The following DSCAML1 variants were observed in gnomAD, a reference collection of about 807,000 sequenced individuals.
The protein encoded by DSCAML1 is cell adhesion molecule DSCAML1.
In DSCAML1, 38 loss-of-function variants were observed where a neutral mutation model predicts 200.5. That is an observed-to-expected ratio of 0.19 (90% CI 0.15 to 0.25). The LOEUF (loss-of-function observed/expected upper bound fraction) is 0.25. Ranked by LOEUF, DSCAML1 falls within the 10% of genes least tolerant of loss-of-function variation. The pLI is 1.00. For synonymous variants in DSCAML1, 1,215 were observed against 1,165.0 expected (o/e 1.04, Z -0.87); for missense variants, 2,223 against 2,858.8 (o/e 0.78, Z 5.07).
chr11:117,608,078 GT>G (rs1409235089), intron 3 of DSCAML1, among the ~76,000 whole-genome samples: 1 of 152,208 alleles, frequency 6.6e-6, no homozygotes, highest in Non-Finnish European at 1.5e-5. Flanking sequence ...CATGACATGT[GT>G]CTTGAGACCC....
intron 3 of DSCAML1, among the ~76,000 whole-genome samples, chr11:117,534,203 C>T (rs1378153539): frequency 3.3e-5 from 5 of 152,254 alleles, no homozygotes; most frequent in Non-Finnish European, 4.4e-5. Flanking sequence ...GTATCCCACC[C>T]ATCTCCCTCC....
chr11:117,504,071 C>T lies in DSCAML1; in HGVS notation c.2183-50G>A, dbSNP rs769202749. 2 of 1,595,304 alleles carry T rather than the reference C, an allele frequency of 1.3e-6. No homozygotes were observed. The highest frequency in any genetic ancestry group is 1.7e-6 in the Non-Finnish European group (2 of 1,169,180). On this transcript the variant is annotated intron_variant, in intron 10 of 32. Transcript: ENST00000651296. This position sits in a 1 kb window ranked among gnomAD's most constrained non-coding sequence, Gnocchi z 5.0. ...GGCTGAGTCTGCACTGGGGCATAAGCTGAGAGTGCCCCAGGAGTGGCCCTG... is the reference window on the plus strand; with the variant it reads ...GGCTGAGTCTGCACTGGGGCATAAGTTGAGAGTGCCCCAGGAGTGGCCCTG...
Position 117,428,581 on chromosome 11 carries a change from G to T in DSCAML1, c.5909C>A (p.Pro1970His). ...APAAASTATL[P>H]QRTLAMPAPP... ...GGCTGGCATGGCCAGAGTCCTCTGA[G>T]GTAAGGTGGCTGTGGAGGCGGCAGC... Residue 1970 changes from proline (P) to histidine (H), a missense_variant, in exon 33 of 33, where the codon CCT becomes CAT. By Grantham distance (77) the Pro-to-His change is moderately conservative. Around this residue, in one of 7 missense-constraint regions of DSCAML1, gnomAD observed 280 missense variants for 213.4 expected, o/e 1.31. Coordinates refer to ENST00000651296, the MANE Select transcript of DSCAML1 (RefSeq NM_020693.4). 1 of 1,590,496 alleles carries T rather than the reference G, an allele frequency of 6.3e-7. No individual in the cohort carries two copies. Among genetic ancestry groups the T allele is most frequent in the East Asian group, 2.3e-5 (1 of 43,868 alleles).
chr11:117,582,027 A>G (rs895783317), intron 3 of DSCAML1, among the ~76,000 whole-genome samples: 1 of 152,192 alleles, frequency 6.6e-6, no homozygotes, highest in Admixed American at 6.5e-5. Flanking sequence ...CAGAGATCCC[A>G]TGATCATCGG....
rs552022073 is a variant in DSCAML1, at chr11:117,716,821, G to A, written c.511+59970C>T. On this transcript the variant is annotated intron_variant, in intron 3 of 32. Transcript: ENST00000651296. ...GTGTTTTTGGAACACAGCCATGCCCGCTCACCCATGTATTGTCCACAGCTG... is the reference window on the plus strand; with the variant it reads ...GTGTTTTTGGAACACAGCCATGCCCACTCACCCATGTATTGTCCACAGCTG... Among the ~76,000 whole-genome samples, 5 of 152,210 alleles carry A rather than the reference G, an allele frequency of 3.3e-5. No homozygotes were observed. The East Asian group carries it at 5.8e-4, about 18-fold the overall frequency.
intron 3 of DSCAML1, among the ~76,000 whole-genome samples, chr11:117,558,773 G>A (rs1484753583): frequency 5.3e-5 from 8 of 152,170 alleles, no homozygotes; most frequent in Admixed American, 1.3e-4. Flanking sequence ...CCACGTGAAA[G>A]GGTCATAATA....
At chr11:117,655,408 T>C (rs2052714331) in intron 3 of DSCAML1, among the ~76,000 whole-genome samples, 1 of 152,252 alleles carries the variant, frequency 6.6e-6, no homozygotes, top group Non-Finnish European at 1.5e-5. Flanking sequence ...AACAGCCTTA[T>C]TGGGTTCATA....
At chr11:117,704,231 C>T (rs145073404) in intron 3 of DSCAML1, among the ~76,000 whole-genome samples, 259 of 151,924 alleles carry the variant, frequency 1.7e-3, no homozygotes, top group Middle Eastern at 3.4e-3. Context: ...AATAAAAATC[C>T]CCCTGCCACC....
At chr11:117,610,847 C>CA (rs966636096) in intron 3 of DSCAML1, among the ~76,000 whole-genome samples, 4 of 147,540 alleles carry the variant, frequency 2.7e-5, no homozygotes, top group Non-Finnish European at 6.0e-5. Flanking sequence ...ACAACCCCCC[C>CA]CCCCCACAAT....
chr11:117,600,265 C>T (rs1015875985), intron 3 of DSCAML1, among the ~76,000 whole-genome samples: 16 of 152,188 alleles, frequency 1.1e-4, no homozygotes, highest in Non-Finnish European at 2.9e-5. Flanking sequence ...CAGGGAGGAT[C>T]TTCATTGCCT....
chr11:117,521,942 C>A (rs1238074644), intron 5 of DSCAML1, among the ~76,000 whole-genome samples: 1 of 152,224 alleles, frequency 6.6e-6, no homozygotes, highest in Non-Finnish European at 1.5e-5. Flanking sequence ...TGCCTCCCCC[C>A]AGCTGTCCTC....
intron 3 of DSCAML1, among the ~76,000 whole-genome samples, chr11:117,659,902 T>G (rs2052809010): frequency 6.6e-6 from 1 of 152,150 alleles, no homozygotes; most frequent in Admixed American, 6.5e-5. Context: ...TTTTGTATTT[T>G]TAGTAGAGAC....
intron 11 of DSCAML1, among the ~76,000 whole-genome samples, chr11:117,502,180 C>T (rs1261543668): frequency 2.6e-5 from 4 of 152,194 alleles, no homozygotes; most frequent in Non-Finnish European, 5.9e-5. Context: ...GCATCAGTGA[C>T]AGCCTGAGGC....
chr11:117,813,462 T>C (rs1315591111), intron 1 of DSCAML1, among the ~76,000 whole-genome samples: 1 of 152,236 alleles, frequency 6.6e-6, no homozygotes, highest in Non-Finnish European at 1.5e-5. Context: ...CCTCGTGCTA[T>C]CTCCAAATTG....
At chr11:117,778,129 G>A (rs919844488) in intron 2 of DSCAML1, among the ~76,000 whole-genome samples, 6 of 152,126 alleles carry the variant, frequency 3.9e-5, no homozygotes, top group African/African-American at 9.7e-5. Flanking sequence ...GGCTCTTCCC[G>A]GCCCTCCCTC....
At chr11:117,446,089 C>T (rs2048172146) in intron 20 of DSCAML1, among the ~76,000 whole-genome samples, 1 of 152,202 alleles carries the variant, frequency 6.6e-6, no homozygotes, top group Non-Finnish European at 1.5e-5. Flanking sequence ...AAAGGCTGGG[C>T]ATACTGGCTC....
At chr11:117,519,132 G>A (rs2049838927) in intron 6 of DSCAML1, among the ~76,000 whole-genome samples, 1 of 152,206 alleles carries the variant, frequency 6.6e-6, no homozygotes, top group Admixed American at 6.5e-5. Context: ...GCTTCACACA[G>A]CGCTTTGTAA....
intron 3 of DSCAML1, among the ~76,000 whole-genome samples, chr11:117,535,901 TG>T (rs1283239727): frequency 2.5e-5 from 2 of 80,448 alleles, no homozygotes; most frequent in African/African-American, 1.0e-4. Context: ...AAACTAGGGG[TG>T]GGGGGTGGGG....
chr11:117,656,729 A>T (rs2052744192), intron 3 of DSCAML1, among the ~76,000 whole-genome samples: 2 of 152,180 alleles, frequency 1.3e-5, no homozygotes, highest in Non-Finnish European at 2.9e-5. Context: ...CTTTGGTCTT[A>T]ATCAACACAC....
Sources: allele counts gnomAD v4.1 joint callset (sites outside exome capture counted in the v4.1 genomes callset), GRCh38; gene constraint gnomAD v4.1.1; regional missense constraint gnomAD v4.1.1; non-coding constraint Gnocchi (gnomAD v3.1); transcripts MANE v1.5; gene names NCBI Gene and HGNC (gene_info 2026-07-23, HGNC 2026-07-21).